EBF2: variants seen among roughly 807,000 people sequenced by gnomAD.
EBF2 encodes the protein EBF transcription factor 2.
In EBF2, 21 loss-of-function variants were observed where a neutral mutation model predicts 72.8. That is an observed-to-expected ratio of 0.29 (90% CI 0.20 to 0.42). EBF2 has a LOEUF of 0.42. Ranked by LOEUF, EBF2 falls within the 10% of genes least tolerant of loss-of-function variation. EBF2 has a pLI of 1.00. For synonymous variants in EBF2, 299 were observed against 274.2 expected (o/e 1.09, Z -0.89); for missense variants, 637 against 731.2 (o/e 0.87, Z 1.49).
At chr8:25,886,474 A>T (rs1334789300) in intron 10 of EBF2, among the ~76,000 whole-genome samples, 1 of 152,232 alleles carries the variant, frequency 6.6e-6, no homozygotes, top group East Asian at 1.9e-4. Flanking sequence ...CCATGTGGAT[A>T]AAAGATGGTT....
chr8:25,915,608 GAAAA>G (rs34778900), intron 6 of EBF2, among the ~76,000 whole-genome samples: 1 of 130,984 alleles, frequency 7.6e-6, no homozygotes, highest in Non-Finnish European at 1.6e-5. Flanking sequence ...CAGCCTTTTG[GAAAA>G]AAAAAAAAAA....
At chr8:25,965,830 A>T (rs1399415386) in intron 6 of EBF2, among the ~76,000 whole-genome samples, 2 of 152,240 alleles carry the variant, frequency 1.3e-5, no homozygotes, top group Non-Finnish European at 2.9e-5. Context: ...TAGAACAGTA[A>T]ACAGCAGATT....
chr8:25,844,230 CT>C lies in EBF2; in HGVS notation c.*378del, dbSNP rs202048411. On this transcript the variant is annotated 3_prime_UTR_variant, in exon 16 of 16. Coordinates refer to ENST00000520164, the MANE Select transcript of EBF2 (RefSeq NM_022659.4). The stretch of plus-strand genomic sequence containing the variant: ...CTTCATAGAAAATAGAAACTTTCAA[CT>C]TTTTTTTCCTACAAAGAAAAACAAA... 127 of 161,174 alleles carry C rather than the reference CT, an allele frequency of 7.9e-4. No individual in the cohort carries two copies. The highest frequency in any genetic ancestry group is 1.4e-3 in the Non-Finnish European group (106 of 73,458). 10.0% of individuals were successfully genotyped at this position (161,174 alleles called of 1,614,324 possible).
intron 6 of EBF2, among the ~76,000 whole-genome samples, chr8:26,025,732 T>C (rs1202175045): frequency 6.6e-6 from 1 of 152,146 alleles, no homozygotes; most frequent in East Asian, 1.9e-4. Flanking sequence ...TGTAATTCCC[T>C]GAAATGGCCA....
chr8:25,861,410 C>T (rs1440505964), intron 11 of EBF2, 36 bp from the exon 12 acceptor site: 1 of 1,610,976 alleles, frequency 6.2e-7, no homozygotes, highest in African/African-American at 1.3e-5. Flanking sequence ...TTGTCAAAGG[C>T]AAAATCCAAG....
Position 25,882,294 on chromosome 8 carries a change from C to T in EBF2, c.1009+4461G>A, listed in dbSNP as rs140326567. Among the ~76,000 whole-genome samples the T allele has an allele frequency of 3.5e-3, 530 of 152,152 alleles. 2 individuals carry two copies. Among genetic ancestry groups the T allele is most frequent in the Non-Finnish European group, 5.6e-3 (384 of 67,996 alleles). On this transcript the variant is annotated intron_variant, in intron 10 of 15. Coordinates refer to ENST00000520164, the MANE Select transcript of EBF2 (RefSeq NM_022659.4). ...AGCCACAGCCCCGTCGCATGCCCTGCGAGGGGAACAAGGGGACTTTTCCCA... is the reference window on the plus strand; with the variant it reads ...AGCCACAGCCCCGTCGCATGCCCTGTGAGGGGAACAAGGGGACTTTTCCCA...
intron 14 of EBF2, among the ~76,000 whole-genome samples, chr8:25,852,511 C>T (rs553504280): frequency 1.3e-5 from 2 of 152,274 alleles, no homozygotes; most frequent in Admixed American, 1.3e-4. Context: ...GAGGCATTCA[C>T]ACACACTCCA....
rs556641628 is a variant in EBF2, at chr8:25,927,522, A to C, written c.552-18967T>G. 5.3e-5 allele frequency among the ~76,000 whole-genome samples: 8 copies of C among 152,152 alleles called. 1 individual carries two copies. In the South Asian group the frequency reaches 1.7e-3, roughly 32 times the overall value. On this transcript the variant is annotated intron_variant, in intron 6 of 15. Coordinates refer to ENST00000520164, the MANE Select transcript of EBF2 (RefSeq NM_022659.4). The stretch of plus-strand genomic sequence containing the variant: ...TTCCACTCTAGAGAGAACTTCTATC[A>C]CTATAGAAACTTGAAAACACAAAAG...
intron 1 of EBF2, among the ~76,000 whole-genome samples, chr8:26,043,120 A>G (rs1585239501): frequency 6.6e-6 from 1 of 152,136 alleles, no homozygotes; most frequent in African/African-American, 2.4e-5. Flanking sequence ...AAGTTGGGGG[A>G]CCCGGAAGGC....
At position 26,000,496 on chromosome 8, in the gene EBF2, C is replaced by A. The variant is rs73675787; in HGVS notation, c.551+32589G>T. On this transcript the variant is annotated intron_variant, in intron 6 of 15. Transcript: ENST00000520164. The stretch of plus-strand genomic sequence containing the variant: ...AAATAAGACAAATTCAATAACTGGC[C>A]CCTGTTGACACATAAATAAACTCAC... Among the ~76,000 whole-genome samples, 571 of 152,148 alleles carry A rather than the reference C, an allele frequency of 3.8e-3. 2 individuals carry two copies. The highest frequency in any genetic ancestry group is 0.013 in the African/African-American group (551 of 41,510).
intron 7 of EBF2, among the ~76,000 whole-genome samples, chr8:25,907,865 C>T (rs948186071): frequency 1.3e-5 from 2 of 152,178 alleles, no homozygotes; most frequent in Non-Finnish European, 1.5e-5. Flanking sequence ...CTCTTGCTTT[C>T]GTCTCCAGCC....
At chr8:26,041,173 C>A (rs548771271) in intron 2 of EBF2, 171 bp from the exon 3 acceptor site, 14 of 713,862 alleles carry the variant, frequency 2.0e-5, no homozygotes, top group South Asian at 5.4e-5. Flanking sequence ...TGTCCTTGGC[C>A]GCCCCCGGAA....
chr8:25,937,096 A>G (rs920883868), intron 6 of EBF2, among the ~76,000 whole-genome samples: 3 of 152,224 alleles, frequency 2.0e-5, no homozygotes, highest in African/African-American at 7.2e-5. Context: ...ACACATTCTG[A>G]TCGATTGATT....
intron 7 of EBF2, 143 bp downstream of exon 7, chr8:25,908,331 G>GATCTCGGT: frequency 1.5e-6 from 1 of 646,080 alleles, no homozygotes. Context: ...TAGTGGCTGA[G>GATCTCGGT]GGTCATCGTT....
intron 6 of EBF2, among the ~76,000 whole-genome samples, chr8:25,916,285 C>A (rs1445083009): frequency 3.8e-4 from 43 of 112,480 alleles, no homozygotes; most frequent in African/African-American, 6.3e-4. Flanking sequence ...GACTCTATCT[C>A]AAAAAAAAAA....
At chr8:26,001,709 C>T (rs1177215140) in intron 6 of EBF2, among the ~76,000 whole-genome samples, 2 of 152,166 alleles carry the variant, frequency 1.3e-5, no homozygotes, top group Non-Finnish European at 1.5e-5. Context: ...CCACCATGCC[C>T]AGCTAATTTT....
At chr8:25,983,928 A>G (rs1255636303) in intron 6 of EBF2, among the ~76,000 whole-genome samples, 2 of 152,260 alleles carry the variant, frequency 1.3e-5, no homozygotes, top group Non-Finnish European at 2.9e-5. Context: ...TAACTGTTCA[A>G]TGACTGCTTC....
chr8:26,005,524 T>A (rs1342925603), intron 6 of EBF2, among the ~76,000 whole-genome samples: 1,990 of 74,574 alleles, frequency 0.027, 26 homozygotes, highest in South Asian at 0.048. Flanking sequence ...ATAAAATATA[T>A]TATATATTAT....
intron 6 of EBF2, among the ~76,000 whole-genome samples, chr8:25,977,351 C>G (rs772946506): frequency 5.3e-5 from 8 of 152,168 alleles, no homozygotes; most frequent in Non-Finnish European, 5.9e-5. Context: ...CCCAATTCCT[C>G]TATCAAACAC....
Sources: gnomAD v4.1 joint callset for allele counts (sites outside exome capture counted in the v4.1 genomes callset) on GRCh38, gnomAD v4.1.1 for gene constraint, MANE v1.5 for transcripts, NCBI Gene and HGNC (gene_info 2026-07-23, HGNC 2026-07-21) for gene names.